The following FOXP1 variants were observed in gnomAD, a reference collection of about 807,000 sequenced individuals.
FOXP1 encodes the protein forkhead box protein P1.
Under a neutral mutation model 98.2 loss-of-function variants are expected in FOXP1, and 15 were observed. The ratio of observed to expected loss-of-function variants is 0.15; its 90% CI spans 0.10 to 0.24. FOXP1 has a LOEUF of 0.24. FOXP1 is among the 10% of genes least tolerant of loss of function. The pLI, the probability that FOXP1 is intolerant of heterozygous loss-of-function variation, is 1.00. For missense variants in FOXP1, 633 were observed against 848.5 expected (o/e 0.75, Z 3.15); for synonymous variants, 371 against 314.5 (o/e 1.18, Z -1.90).
At chr3:71,457,651 T>A (rs1405118222) in intron 3 of FOXP1, among the ~76,000 whole-genome samples, 2 of 152,212 alleles carry the variant, frequency 1.3e-5, no homozygotes, top group Non-Finnish European at 2.9e-5. Context: ...TTTAGTATAC[T>A]ATGTCTCACA....
intron 6 of FOXP1, among the ~76,000 whole-genome samples, chr3:71,160,177 G>T (rs1167048467): frequency 1.3e-5 from 2 of 151,976 alleles, no homozygotes; most frequent in Non-Finnish European, 2.9e-5. Context: ...ACACTGCCGT[G>T]TATGTATTTC....
At chr3:71,233,355 G>A (rs910406684) in intron 5 of FOXP1, among the ~76,000 whole-genome samples, 4 of 152,078 alleles carry the variant, frequency 2.6e-5, no homozygotes, top group African/African-American at 9.7e-5. Flanking sequence ...AGCAGGAGCT[G>A]AGCTTCTGTA....
At chr3:71,144,860 C>A (rs765673625) in intron 6 of FOXP1, among the ~76,000 whole-genome samples, 5 of 152,300 alleles carry the variant, frequency 3.3e-5, no homozygotes, top group Middle Eastern at 3.4e-3. Context: ...CCCCTGGCCC[C>A]GGGCAACCAC....
chr3:71,541,782 T>C (rs939902042), intron 2 of FOXP1, among the ~76,000 whole-genome samples: 1 of 152,188 alleles, frequency 6.6e-6, no homozygotes, highest in African/African-American at 2.4e-5. Context: ...AGAAAGTCCA[T>C]ACTGTACTGC....
chr3:71,517,409 A>G (rs1377914638), intron 2 of FOXP1, among the ~76,000 whole-genome samples: 1 of 152,266 alleles, frequency 6.6e-6, no homozygotes, highest in East Asian at 1.9e-4. Context: ...TCTTGGATTT[A>G]GCAGCCAAAC....
intron 4 of FOXP1, chr3:71,334,002 CTAG>C (rs2076514672): frequency 6.6e-6 from 1 of 151,016 alleles, no homozygotes; most frequent in Non-Finnish European, 1.5e-5. Context: ...TTAAAAAAAA[CTAG>C]AAGGTTAAAA....
chr3:71,268,435 G>A (rs1301189132), intron 5 of FOXP1, among the ~76,000 whole-genome samples: 2 of 152,084 alleles, frequency 1.3e-5, no homozygotes, highest in Admixed American at 6.5e-5. Flanking sequence ...AGTTGGGGGG[G>A]TAGTGGGATA....
At chr3:71,305,272 T>C (rs938996159) in intron 4 of FOXP1, among the ~76,000 whole-genome samples, 19 of 152,160 alleles carry the variant, frequency 1.2e-4, no homozygotes, top group Non-Finnish European at 2.6e-4. Context: ...CAGGATGCCA[T>C]TATGCACACT....
intron 6 of FOXP1, among the ~76,000 whole-genome samples, chr3:71,115,767 T>C (rs2107777111): frequency 6.9e-6 from 1 of 145,436 alleles, no homozygotes; most frequent in South Asian, 2.2e-4. Context: ...GACAAAGTCT[T>C]GCTGTGTTGC....
chr3:70,959,494 A>G (rs1440210396), intron 20 of FOXP1, 103 bp from the exon 21 acceptor site: 14 of 1,262,320 alleles, frequency 1.1e-5, no homozygotes, highest in South Asian at 2.5e-5. Context: ...CTCTAGAACT[A>G]GAACTCTGTC....
rs569394204 is a variant in FOXP1, at chr3:70,983,832, A to G, written c.1146+4162T>C. ...AGTAATTTAATAAAGTCATCATATC[A>G]CAGACATGTTTCTTTTTGTTTTTGT... On this transcript the variant is annotated intron_variant, in intron 14 of 20. Coordinates refer to ENST00000649528, the MANE Select transcript of FOXP1 (RefSeq NM_001349338.3). 2.6e-5 allele frequency among the ~76,000 whole-genome samples: 4 copies of G among 152,306 alleles called. No homozygotes were observed. In the East Asian group the frequency reaches 7.7e-4, roughly 29 times the overall value.
At chr3:71,540,555 A>C (rs2044718176) in intron 2 of FOXP1, among the ~76,000 whole-genome samples, 1 of 152,250 alleles carries the variant, frequency 6.6e-6, no homozygotes, top group Non-Finnish European at 1.5e-5. Context: ...TATGTGCTGC[A>C]GGGGCACCAT....
At chr3:71,290,992 T>C (rs1196853198) in intron 5 of FOXP1, among the ~76,000 whole-genome samples, 1 of 152,240 alleles carries the variant, frequency 6.6e-6, no homozygotes, top group Non-Finnish European at 1.5e-5. Context: ...AGGCTACATC[T>C]CTGCTCACCT....
At chr3:71,450,466 C>A (rs2086845394) in intron 3 of FOXP1, among the ~76,000 whole-genome samples, 1 of 152,182 alleles carries the variant, frequency 6.6e-6, no homozygotes, top group Admixed American at 6.5e-5. Flanking sequence ...CTGTCCGATG[C>A]AAATTTGTGT....
At chr3:71,160,072 T>C (rs555542188) in intron 6 of FOXP1, among the ~76,000 whole-genome samples, 6 of 152,334 alleles carry the variant, frequency 3.9e-5, no homozygotes, top group South Asian at 2.1e-4. Flanking sequence ...AAAAGGTAAT[T>C]TCGCAGTATC....
intron 7 of FOXP1, among the ~76,000 whole-genome samples, chr3:71,068,478 C>T (rs939023267): frequency 6.6e-6 from 1 of 152,130 alleles, no homozygotes; most frequent in African/African-American, 2.4e-5. Flanking sequence ...CAGCAATGGT[C>T]CCTGGCCCAC....
chr3:71,256,125 G>C (rs1228287853), intron 5 of FOXP1, among the ~76,000 whole-genome samples: 1 of 152,194 alleles, frequency 6.6e-6, no homozygotes, highest in Non-Finnish European at 1.5e-5. Flanking sequence ...AATACCAGAT[G>C]AAGACATCCA....
At chr3:71,094,340 C>G (rs1382289495) in intron 7 of FOXP1, among the ~76,000 whole-genome samples, 1 of 140,872 alleles carries the variant, frequency 7.1e-6, no homozygotes, top group Non-Finnish European at 1.5e-5. Context: ...AGTGCAGTGG[C>G]GTGATCTCAG....
At chr3:71,419,569 T>C (rs2083472673) in intron 3 of FOXP1, among the ~76,000 whole-genome samples, 2 of 151,178 alleles carry the variant, frequency 1.3e-5, no homozygotes, top group Admixed American at 6.6e-5. Context: ...TGAACATTCT[T>C]AGACTCAACC....
Sources: gnomAD v4.1 joint callset for allele counts (sites outside exome capture counted in the v4.1 genomes callset) on GRCh38, gnomAD v4.1.1 for gene constraint, MANE v1.5 for transcripts, NCBI Gene and HGNC (gene_info 2026-07-23, HGNC 2026-07-21) for gene names.